ZNF536: variants seen among roughly 807,000 people sequenced by gnomAD.
The protein encoded by ZNF536 is zinc finger protein 536.
In ZNF536, 13 loss-of-function variants were observed where a neutral mutation model predicts 84.5. The observed-to-expected ratio is 0.15, with a 90% CI of 0.10 to 0.24. The LOEUF (loss-of-function observed/expected upper bound fraction) is 0.24. Ranked by LOEUF, ZNF536 falls within the 10% of genes least tolerant of loss-of-function variation. The pLI, the probability that ZNF536 is intolerant of heterozygous loss-of-function variation, is 1.00. For synonymous variants in ZNF536, 811 were observed against 742.5 expected (o/e 1.09, Z -1.50); for missense variants, 1,536 against 1,747.5 (o/e 0.88, Z 2.16).
chr19:30,339,883 A>G (rs56737769), intron 2 of ZNF536, among the ~76,000 whole-genome samples: 1 of 152,046 alleles, frequency 6.6e-6, no homozygotes, highest in Admixed American at 6.5e-5. Context: ...CCAGCCCTAA[A>G]TGTTCTCCTT....
At chr19:30,704,717 T>G (rs911689465) in intron 1 of ZNF536, among the ~76,000 whole-genome samples, 2 of 147,504 alleles carry the variant, frequency 1.4e-5, no homozygotes, top group Non-Finnish European at 3.0e-5. Context: ...CCTTGTCACC[T>G]CTGGGACTGC....
intron 1 of ZNF536, among the ~76,000 whole-genome samples, chr19:30,636,641 A>C (rs1277732889): frequency 2.0e-5 from 3 of 152,122 alleles, no homozygotes; most frequent in Non-Finnish European, 2.9e-5. Flanking sequence ...AAGGTCCCAC[A>C]ATATTTTTGG....
chr19:30,699,928 G>C (rs1359366296), intron 1 of ZNF536, among the ~76,000 whole-genome samples: 1 of 152,160 alleles, frequency 6.6e-6, no homozygotes, highest in Admixed American at 6.5e-5. Flanking sequence ...CCAGGCCGGC[G>C]GGGCCCACTC....
chr19:30,660,825 G>A (rs1301171807), intron 1 of ZNF536, among the ~76,000 whole-genome samples: 4 of 152,176 alleles, frequency 2.6e-5, no homozygotes, highest in African/African-American at 9.7e-5. Flanking sequence ...TCAGTGAGGA[G>A]GTCACAATGG....
chr19:30,613,034 T>G (rs921463639), intron 1 of ZNF536, among the ~76,000 whole-genome samples: 1 of 152,190 alleles, frequency 6.6e-6, no homozygotes, highest in African/African-American at 2.4e-5. Flanking sequence ...TCAGTTTGGA[T>G]ATTTGCCTGC....
At chr19:30,418,651 C>G (rs2050831091) in intron 1 of ZNF536, among the ~76,000 whole-genome samples, 1 of 152,184 alleles carries the variant, frequency 6.6e-6, no homozygotes, top group Non-Finnish European at 1.5e-5. Flanking sequence ...GGTGGCTCCT[C>G]TGAAGGTGGG....
intron 2 of ZNF536, among the ~76,000 whole-genome samples, chr19:30,515,894 G>A (rs923502413): frequency 2.0e-5 from 3 of 151,850 alleles, no homozygotes; most frequent in African/African-American, 7.3e-5. Context: ...GGGCGTGGTG[G>A]GAGGTGCCTG....
chr19:30,467,876 C>T (rs148018801), intron 2 of ZNF536, among the ~76,000 whole-genome samples: 1 of 152,298 alleles, frequency 6.6e-6, no homozygotes, highest in Non-Finnish European at 1.5e-5. Context: ...GCAGAGGCAC[C>T]CTGGTATAGC....
chr19:30,266,843 A>G (rs574318766), intron 1 of ZNF536, among the ~76,000 whole-genome samples: 1 of 152,180 alleles, frequency 6.6e-6, no homozygotes, highest in African/African-American at 2.4e-5. Flanking sequence ...ATCATATTTT[A>G]ACACACACAC....
intron 2 of ZNF536, among the ~76,000 whole-genome samples, chr19:30,311,713 C>CATGG (rs2046510706): frequency 6.6e-6 from 1 of 152,086 alleles, no homozygotes; most frequent in South Asian, 2.1e-4. Flanking sequence ...GCTGTGAGAT[C>CATGG]ATGGGTTGAA....
intron 1 of ZNF536, among the ~76,000 whole-genome samples, chr19:30,424,837 G>T (rs73924736): frequency 0.059 from 8,941 of 152,148 alleles, 580 homozygotes; most frequent in African/African-American, 0.16. Flanking sequence ...GGTGAGAAAT[G>T]CATGCTTGGT....
intron 3 of ZNF536, among the ~76,000 whole-genome samples, chr19:30,540,585 C>T (rs904563897): frequency 6.6e-6 from 1 of 152,178 alleles, no homozygotes; most frequent in Non-Finnish European, 1.5e-5. Context: ...CAGGGGAGGG[C>T]GCTGAGCCTC....
chr19:30,555,549 A>G (rs989253690), intron 4 of ZNF536: 36 of 152,076 alleles, frequency 2.4e-4, no homozygotes, highest in African/African-American at 8.7e-4. Context: ...TTCTGTGTCC[A>G]CTCCATTCTC....
At chr19:30,261,293 G>A (rs867850996) in intron 1 of ZNF536, among the ~76,000 whole-genome samples, 18 of 81,660 alleles carry the variant, frequency 2.2e-4, no homozygotes, top group African/African-American at 7.0e-4. Flanking sequence ...GCGAGACTCC[G>A]TCTCAAAAAA....
chr19:30,619,637 A>AC (rs1161823167), intron 1 of ZNF536, among the ~76,000 whole-genome samples: 1 of 152,100 alleles, frequency 6.6e-6, no homozygotes, highest in Non-Finnish European at 1.5e-5. Context: ...TCACATGCAC[A>AC]CCCCCAGTAT....
chr19:30,438,910 G>C (rs1260743343), intron 1 of ZNF536, among the ~76,000 whole-genome samples: 1 of 151,952 alleles, frequency 6.6e-6, no homozygotes. Flanking sequence ...CAAACTCCTG[G>C]GGCTCAGCCT....
chr19:30,491,168 G>T (rs1351632950), intron 2 of ZNF536, among the ~76,000 whole-genome samples: 1 of 152,170 alleles, frequency 6.6e-6, no homozygotes, highest in Admixed American at 6.5e-5. Context: ...AAGGAGCAGG[G>T]TGTTTTGGAT....
At chr19:30,285,756 G>A (rs929453698) in intron 2 of ZNF536, among the ~76,000 whole-genome samples, 1 of 152,100 alleles carries the variant, frequency 6.6e-6, no homozygotes, top group Non-Finnish European at 1.5e-5. Context: ...GGGCCCTCCC[G>A]TGCACTGCAG....
chr19:30,640,740 A>T (rs2049239550), intron 1 of ZNF536, among the ~76,000 whole-genome samples: 1 of 152,230 alleles, frequency 6.6e-6, no homozygotes. Flanking sequence ...ATTCCAGGCA[A>T]GCTTACAGTT....
Sources: gnomAD v4.1 joint callset for allele counts (sites outside exome capture counted in the v4.1 genomes callset) on GRCh38, gnomAD v4.1.1 for gene constraint, MANE v1.5 for transcripts, NCBI Gene and HGNC (gene_info 2026-07-23, HGNC 2026-07-21) for gene names.